The following UBA7 variants were observed in gnomAD, a reference collection of about 807,000 sequenced individuals.
UBA7 encodes ubiquitin like modifier activating enzyme 7.
Under a neutral mutation model 113.0 loss-of-function variants are expected in UBA7, and 88 were observed. The ratio of observed to expected loss-of-function variants is 0.78; its 90% confidence interval spans 0.66 to 0.93. UBA7 has a LOEUF of 0.93. Among genes scored for constraint, UBA7 ranks in the 40% least tolerant of loss-of-function variants. UBA7 has a pLI of 0.00. For missense variants in UBA7, 1,092 were observed against 1,266.4 expected (o/e 0.86, Z 2.09); for synonymous variants, 459 against 513.0 (o/e 0.89, Z 1.42).
rs1189664207 is a variant in UBA7 at position 49,809,970 on chromosome 3, C to A, written c.1839+8G>T. On this transcript the variant is annotated splice_region_variant and intron_variant, in intron 14 of 23. Transcript: ENST00000333486. ...GGGTGGGGTGGGAGTCTCCAGGGTG[C>A]TTCCTACCTGCAGGGTGTGCTCGGC... The A allele has an allele frequency of 3.1e-6, 5 of 1,613,854 alleles. No individual in the cohort carries two copies. The highest frequency in any genetic ancestry group is 4.2e-6 in the Non-Finnish European group (5 of 1,179,910).
chr3:49,811,520 C>T (rs1423075367), intron 8 of UBA7, 65 bp from the exon 9 acceptor site: 1 of 1,539,638 alleles, frequency 6.5e-7, no homozygotes, highest in East Asian at 2.4e-5. Flanking sequence ...TCAAATCCTT[C>T]CAGCCACCCT....
rs749950771 is a variant in UBA7, at chr3:49,810,553, G to A, written c.1431C>T (p.Leu477=). 1 of 1,614,156 alleles carries A rather than the reference G, an allele frequency of 6.2e-7. No homozygotes were observed. Among genetic ancestry groups the A allele is most frequent in the East Asian group, 2.2e-5 (1 of 44,880 alleles). Residue 477 remains leucine, a synonymous_variant, in exon 12 of 24, where the codon CTC becomes CTT. Transcript: ENST00000333486. This position sits in a 1 kb window ranked among gnomAD's most constrained non-coding sequence, Gnocchi z 5.6. ...GGGACCTGAAGAGGAACTGACGGCT[G>A]AGATTGGAGCGCTCTATGTGGTCCA... ...VDMDHIERSN[L]SRQFLFRSQD... is the part of the protein sequence containing the mutation.
In UBA7 at chr3:49,808,713, A is replaced by G. The variant is rs369872655; in HGVS notation, c.2348-245T>C. Among the ~76,000 whole-genome samples the G allele has an allele frequency of 5.9e-5, 9 of 152,172 alleles. No homozygotes were observed. In the East Asian group the frequency reaches 1.3e-3, roughly 23 times the overall value. On this transcript the variant is annotated intron_variant, in intron 18 of 23. Transcript: ENST00000333486. ...CATAGCTAGACACTCCCCAGGAACC[A>G]ATGGACTTTATTTATTTACTTATTT...
chr3:49,810,897 C>A lies in UBA7; in HGVS notation c.1231-65G>T, dbSNP rs2081534227. Reference sequence around the variant, plus strand: ...GCATCTCCTTCTTATACTGAGTTTTCTGAATCAGGACCTGGAGGGCATTCC... The same window carrying A: ...GCATCTCCTTCTTATACTGAGTTTTATGAATCAGGACCTGGAGGGCATTCC... On this transcript the variant is annotated intron_variant, in intron 10 of 23. Transcript: ENST00000333486. This position sits in a 1 kb window ranked among gnomAD's most constrained non-coding sequence, Gnocchi z 5.6. 2.5e-6 allele frequency: 4 copies of A among 1,611,828 alleles called. No homozygotes were observed. Among genetic ancestry groups the A allele is most frequent in the Non-Finnish European group, 3.4e-6 (4 of 1,178,138 alleles).
chr3:49,813,945 G>GGCTCCTCTA lies in UBA7; in HGVS notation c.-159_-158insTAGAGGAGC. The GGCTCCTCTA allele has an allele frequency of 1.2e-6, 1 of 805,516 alleles. No homozygotes were observed. 49.9% of individuals were successfully genotyped at this position (805,516 alleles called of 1,614,324 possible). A position where few individuals can be genotyped will look rare whatever the true frequency, so the allele number is the denominator to read the frequency against. On this transcript the variant is annotated 5_prime_UTR_variant, in exon 1 of 24. Transcript: ENST00000333486. ...CGCTGCTGGTCACAGCTCTCTTCCT[G>GGCTCCTCTA]GAGAAAAGAAAAGTGAAAGTTAAAC...
rs34296708 is a variant in UBA7 at position 49,810,304 on chromosome 3, C to T, written c.1592G>A (p.Arg531His). ...EHIYGDNFFS[R>H]VDGVAAALDS... Reference sequence around the variant, plus strand: ...CAGGGCAGCAGCCACACCATCCACACGGGAGAAAAAGTTATCCCCATAGAT... The same window carrying T: ...CAGGGCAGCAGCCACACCATCCACATGGGAGAAAAAGTTATCCCCATAGAT... The change falls in exon 13 of 24, where the codon CGT (arginine) becomes CAT (histidine). Residue 531 changes from arginine (R) to histidine (H), a missense_variant. Arg to His is a conservative substitution (Grantham distance 29). Around this residue, in one of 3 missense-constraint regions of UBA7, gnomAD observed 584 missense variants for 714.5 expected, o/e 0.82. Coordinates refer to ENST00000333486, the MANE Select transcript of UBA7 (RefSeq NM_003335.3). This position sits in a 1 kb window ranked among gnomAD's most constrained non-coding sequence, Gnocchi z 5.6. 4,186 of 1,614,122 alleles carry T rather than the reference C, an allele frequency of 2.6e-3. 19 individuals carry two copies. The highest frequency in any genetic ancestry group is 0.014 in the Middle Eastern group (84 of 6,062).
chr3:49,806,191 G>C, intron 21 of UBA7, 26 bp from the exon 22 acceptor site: 1 of 1,557,700 alleles, frequency 6.4e-7, no homozygotes, highest in Admixed American at 1.9e-5. Context: ...GGAGGAGTCA[G>C]AGACTTCTTA....
In UBA7 at chr3:49,812,452, A is replaced by G; in HGVS notation, c.650T>C (p.Met217Thr). 1 of 1,614,214 alleles carries G rather than the reference A, an allele frequency of 6.2e-7. No homozygotes were observed. The change falls in exon 6 of 24, where the codon ATG (methionine) becomes ACG (threonine). Residue 217 changes from methionine (M) to threonine (T), a missense_variant. Met to Thr is a moderately conservative substitution (Grantham distance 81, BLOSUM62 -1). Coordinates refer to ENST00000333486, the MANE Select transcript of UBA7 (RefSeq NM_003335.3). ...DLVTFSGIEG[M>T]VELNDCDPRS... The stretch of plus-strand genomic sequence containing the variant: ...GGGATCACAGTCGTTGAGCTCAACC[A>G]TTCCCTCAATTCCCGAGAAAGTCAC...
rs980874820 is a variant in UBA7, at chr3:49,809,483, G to A, written c.2089-19C>T. The A allele has an allele frequency of 6.2e-7, 1 of 1,613,968 alleles. No individual in the cohort carries two copies. The highest frequency in any genetic ancestry group is 1.3e-5 in the African/African-American group (1 of 74,930). ...CAAGCACCTAGGTAGGTAAGTAGAA[G>A]CTGCTGGGCTCAGTCTGGTCCCCCT... On this transcript the variant is annotated intron_variant, in intron 16 of 23. Transcript: ENST00000333486.
chr3:49,811,908 G>A lies in UBA7; in HGVS notation c.901C>T (p.Gln301Ter). The A allele has an allele frequency of 6.2e-7, 1 of 1,614,132 alleles. No individual in the cohort carries two copies. Among genetic ancestry groups the A allele is most frequent in the Non-Finnish European group, 8.5e-7 (1 of 1,180,042 alleles). The change falls in exon 8 of 24, where the codon CAG becomes TAG. Residue 301 changes from glutamine (Q) to a stop codon, truncating the protein, a stop_gained. Coordinates refer to ENST00000333486, the MANE Select transcript of UBA7 (RefSeq NM_003335.3). LOFTEE classifies it high-confidence loss of function. ...HQAFCALHKF[Q>*]HLHGRPPQPW... Reference sequence around the variant, plus strand: ...TGGGGTGGCCGGCCATGGAGGTGCTGGAACTTGTGCAGTGCACAGAAGGCC... The same window carrying A: ...TGGGGTGGCCGGCCATGGAGGTGCTAGAACTTGTGCAGTGCACAGAAGGCC...
intron 21 of UBA7, 100 bp from the exon 22 acceptor site, chr3:49,806,265 G>C: frequency 8.7e-5 from 60 of 689,758 alleles, no homozygotes; most frequent in East Asian, 1.5e-4. Context: ...GGACTAGCAG[G>C]AAACAGGAGC....
chr3:49,811,608 C>G, intron 8 of UBA7, 153 bp from the exon 9 acceptor site: 1 of 1,204,470 alleles, frequency 8.3e-7, no homozygotes, highest in Non-Finnish European at 1.1e-6. Flanking sequence ...CTGCACAGCA[C>G]CACCAGAGGA....
At chr3:49,806,277 A>G (rs1559431301) in intron 21 of UBA7, 112 bp from the exon 22 acceptor site, 5 of 613,270 alleles carry the variant, frequency 8.2e-6, no homozygotes, top group Non-Finnish European at 8.2e-6. Flanking sequence ...AACAGGAGCC[A>G]GGGGGTGGGG....
rs781480734 is a variant in UBA7 at position 49,813,055 on chromosome 3, T to TA, written c.467+6dup. On this transcript the variant is annotated splice_region_variant and intron_variant, in intron 4 of 23. Transcript: ENST00000333486. ...ATATGGTAGGCTGGGCAGGCAGTCT[T>TA]ACTCACCCCACGAGGCCCCGGGTGT... 40 of 1,611,460 alleles carry TA rather than the reference T, an allele frequency of 2.5e-5. No individual in the cohort carries two copies. The highest frequency in any genetic ancestry group is 3.3e-5 in the Non-Finnish European group (39 of 1,179,204).
In UBA7 at chr3:49,807,845, T is replaced by A; in HGVS notation, c.2606A>T (p.Tyr869Phe). The change falls in exon 21 of 24, where the codon TAT becomes TTT. Residue 869 changes from tyrosine to phenylalanine, a missense_variant. Tyr to Phe is a conservative substitution (Grantham distance 22). Around this residue, in one of 3 missense-constraint regions of UBA7, gnomAD observed 500 missense variants for 529.3 expected, o/e 0.94. Transcript: ENST00000333486. This position sits in a 1 kb window ranked among gnomAD's most constrained non-coding sequence, Gnocchi z 4.0. ...AGGCCGTGGCCCACTCACCACCTTA[T>A]ACAGCTCCAGGCCCAACAGGCCTGC... The part of the protein sequence containing the change: ...AVAGLLGLEL[Y>F]KVVSGPRPRS... The A allele has an allele frequency of 6.2e-7, 1 of 1,614,112 alleles. No homozygotes were observed. Among genetic ancestry groups the A allele is most frequent in the Non-Finnish European group, 8.5e-7 (1 of 1,179,988 alleles).
In UBA7 at chr3:49,812,743, G is replaced by A. The variant is rs192575536; in HGVS notation, c.468-5C>T. 5.0e-5 allele frequency: 81 copies of A among 1,614,216 alleles called. No individual in the cohort carries two copies. In the East Asian group the frequency reaches 1.2e-3, roughly 24 times the overall value. ...CCAAAGTCACAGAACAACTGCCTGA[G>A]ATGGGGTGGTAGGGGTCACTGAGGT... On this transcript the variant is annotated splice_region_variant and splice_polypyrimidine_tract_variant and intron_variant, in intron 4 of 23. Coordinates refer to ENST00000333486, the MANE Select transcript of UBA7 (RefSeq NM_003335.3).
Position 49,807,866 on chromosome 3 carries a change from C to A in UBA7, c.2585G>T (p.Gly862Val). The change falls in exon 21 of 24, where the codon GGC (glycine) becomes GTC (valine). Residue 862 changes from glycine (G) to valine (V), a missense_variant. Physicochemically the swap from Gly to Val is moderately radical, Grantham distance 109. This residue lies in a region of UBA7 where 500 missense variants were observed against 529.3 expected (regional missense o/e 0.94). Transcript: ENST00000333486. The surrounding 1 kb of genome is among the most constrained non-coding windows in gnomAD (Gnocchi z 4.0). Reference protein sequence around the residue: ...AIATTTAAVAGLLGLELYKVV... With the variant: ...AIATTTAAVAVLLGLELYKVV... ...CTTATACAGCTCCAGGCCCAACAGGCCTGCCACAGCTGCTGTAGTGGTGGC... is the reference window on the plus strand; with the variant it reads ...CTTATACAGCTCCAGGCCCAACAGGACTGCCACAGCTGCTGTAGTGGTGGC... The A allele has an allele frequency of 6.2e-7, 1 of 1,613,826 alleles. No individual in the cohort carries two copies. Among genetic ancestry groups the A allele is most frequent in the Non-Finnish European group, 8.5e-7 (1 of 1,179,782 alleles).
Position 49,809,529 on chromosome 3 carries a change from C to G in UBA7, c.2088+13G>C. On this transcript the variant is annotated intron_variant, in intron 16 of 23. Coordinates refer to ENST00000333486, the MANE Select transcript of UBA7 (RefSeq NM_003335.3). ...CCCCTGAGCCCCCAGCGTCCCAACCCCTAGCCACACACTTTATTAGGTGGG... is the reference window on the plus strand; with the variant it reads ...CCCCTGAGCCCCCAGCGTCCCAACCGCTAGCCACACACTTTATTAGGTGGG... 1 of 1,614,004 alleles carries G rather than the reference C, an allele frequency of 6.2e-7. No individual in the cohort carries two copies. Among genetic ancestry groups the G allele is most frequent in the South Asian group, 1.1e-5 (1 of 91,084 alleles).
In UBA7 at chr3:49,808,048, T is replaced by A; in HGVS notation, c.2495A>T (p.Tyr832Phe). 6.2e-7 allele frequency: 1 copy of A among 1,614,122 alleles called. No homozygotes were observed. The highest frequency in any genetic ancestry group is 8.5e-7 in the Non-Finnish European group (1 of 1,180,002). Residue 832 changes from tyrosine (Y) to phenylalanine (F), a missense_variant, in exon 20 of 24, where the codon TAC becomes TTC. By Grantham distance (22) the Tyr-to-Phe change is conservative (BLOSUM62 3). Around this residue, in one of 3 missense-constraint regions of UBA7, gnomAD observed 500 missense variants for 529.3 expected, o/e 0.94. Coordinates refer to ENST00000333486, the MANE Select transcript of UBA7 (RefSeq NM_003335.3). The stretch of plus-strand genomic sequence containing the variant: ...GGCACGGTTGACCGGTGGAATCCCG[T>A]AGTTCTGACATCTCAGGCTAGCTGC... ...VAAASLRCQN[Y>F]GIPPVNRAQS...
Sources: allele counts gnomAD v4.1 joint callset (sites outside exome capture counted in the v4.1 genomes callset), GRCh38; gene constraint gnomAD v4.1.1; regional missense constraint gnomAD v4.1.1; non-coding constraint Gnocchi (gnomAD v3.1); transcripts MANE v1.5; gene names NCBI Gene and HGNC (gene_info 2026-07-23, HGNC 2026-07-21).